Variants in SLC37A2 observed in about 807,000 individuals in gnomAD.
The protein encoded by SLC37A2 is glucose-6-phosphate exchanger SLC37A2.
A neutral mutation model predicts 70.7 loss-of-function variants in SLC37A2; 59 were observed. The ratio of observed to expected loss-of-function variants is 0.83; its 90% CI spans 0.68 to 1.04. SLC37A2 has a LOEUF of 1.04. Ranked by LOEUF, SLC37A2 falls within the 50% of genes least tolerant of loss-of-function variation. SLC37A2 has a pLI of 0.00. For missense variants in SLC37A2, 580 were observed against 658.1 expected, an observed-to-expected ratio of 0.88 and a Z score of 1.30; for synonymous variants, 257 against 262.1, an observed-to-expected ratio of 0.98 and a Z score of 0.19.
intron 1 of SLC37A2, among the ~76,000 whole-genome samples, chr11:125,075,676 G>T (rs759304733): frequency 6.6e-6 from 1 of 152,204 alleles, no homozygotes; most frequent in Admixed American, 6.5e-5. Flanking sequence ...TTCAGCCTTC[G>T]CTGAAATGCC....
At chr11:125,081,372 G>C (rs184329771) in intron 7 of SLC37A2, 49 bp from the exon 8 acceptor site, 259 of 1,564,544 alleles carry the variant, frequency 1.7e-4, no homozygotes, top group African/African-American at 8.5e-4. Flanking sequence ...CCTCGGGATT[G>C]GGGGGGCGGG....
At chr11:125,069,747 G>A (rs77844659) in intron 1 of SLC37A2, among the ~76,000 whole-genome samples, 4,342 of 152,340 alleles carry the variant, frequency 0.029, 210 homozygotes, top group African/African-American at 0.099. Context: ...TGGGAGTCAT[G>A]TGGCGCCAGG....
chr11:125,081,277 C>T, intron 7 of SLC37A2, 144 bp from the exon 8 acceptor site: 1 of 770,870 alleles, frequency 1.3e-6, no homozygotes, highest in East Asian at 2.7e-5. Context: ...CCTGCTGGGA[C>T]ACACACTGGC....
In SLC37A2 at chr11:125,077,324, G is replaced by A. The variant is rs1949098830; in HGVS notation, c.235+1G>A. 1.4e-5 allele frequency: 23 copies of A among 1,600,714 alleles called. No individual in the cohort carries two copies. The highest frequency in any genetic ancestry group is 1.8e-5 in the Non-Finnish European group (21 of 1,173,734). The stretch of plus-strand genomic sequence containing the variant: ...ATGTGGTGCAGCTGGGCCCCATTTG[G>A]TAAGAACAGGGCAAGTTGCTCTTCC... On this transcript the variant is annotated splice_donor_variant, in intron 3 of 17. Coordinates refer to ENST00000403796, the MANE Select transcript of SLC37A2 (RefSeq NM_001145290.2). LOFTEE classifies it high-confidence loss of function.
chr11:125,079,077 G>A (rs775949632), intron 4 of SLC37A2, 35 bp from the exon 5 acceptor site: 1 of 1,613,618 alleles, frequency 6.2e-7, no homozygotes, highest in Admixed American at 1.7e-5. Flanking sequence ...GGACACAGAG[G>A]AGCTTAACCG....
chr11:125,079,622 A>G, intron 5 of SLC37A2, 62 bp from the exon 6 acceptor site: 1 of 1,370,592 alleles, frequency 7.3e-7, no homozygotes. Flanking sequence ...CAGGGTGGTC[A>G]GAGCAGGGAG....
At position 125,080,796 on chromosome 11, in the gene SLC37A2, A is replaced by C. The variant is rs750713700; in HGVS notation, c.694+16A>C. 2 of 1,425,158 alleles carry C rather than the reference A, an allele frequency of 1.4e-6. No homozygotes were observed. Among genetic ancestry groups the C allele is most frequent in the East Asian group, 5.3e-5 (2 of 37,386 alleles). The allele number at this position is 1,425,158 out of a possible 1,614,324, so 88.3% of individuals were successfully genotyped here. On this transcript the variant is annotated intron_variant, in intron 7 of 17. Coordinates refer to ENST00000403796, the MANE Select transcript of SLC37A2 (RefSeq NM_001145290.2). This position sits in a 1 kb window ranked among gnomAD's most constrained non-coding sequence, Gnocchi z 4.3. ...CTCATCGAACGTGAGTGGGCCCCTC[A>C]CTCCCCACAAGTGAGCCTAGAAGTT...
chr11:125,075,609 A>G (rs1322430029), intron 1 of SLC37A2, among the ~76,000 whole-genome samples: 2 of 152,374 alleles, frequency 1.3e-5, no homozygotes, highest in African/African-American at 4.8e-5. Flanking sequence ...TCAAGAAGAC[A>G]GACAGGAAGC....
At chr11:125,074,242 C>T (rs753847832) in intron 1 of SLC37A2, among the ~76,000 whole-genome samples, 8 of 151,886 alleles carry the variant, frequency 5.3e-5, no homozygotes, top group South Asian at 2.1e-4. Context: ...AATCCTTTCC[C>T]GACACTGCTC....
rs1948952926 is a variant in SLC37A2 at position 125,063,626 on chromosome 11, G to T, written c.59+200G>T. Among the ~76,000 whole-genome samples the T allele has an allele frequency of 6.6e-6, 1 of 151,344 alleles. No homozygotes were observed. Among genetic ancestry groups the T allele is most frequent in the Non-Finnish European group, 1.5e-5 (1 of 68,034 alleles). ...ACCCTCCCTGCCCAACTCCGCCCGC[G>T]CTCCCCCAGACCCCGCGACGCTGGC... is the stretch of plus-strand genomic sequence containing the variant. On this transcript the variant is annotated intron_variant, in intron 1 of 17. Transcript: ENST00000403796. The surrounding 1 kb of genome is among the most constrained non-coding windows in gnomAD (Gnocchi z 5.4).
At chr11:125,081,731 CA>C (rs749607570) in intron 8 of SLC37A2, 22 bp from the exon 9 acceptor site, 46 of 1,551,388 alleles carry the variant, frequency 3.0e-5, no homozygotes, top group Non-Finnish European at 3.9e-5. Flanking sequence ...GCACCCACAG[CA>C]GGGCTCATCT....
In SLC37A2 at chr11:125,088,384, T is replaced by C. The variant is rs547613521; in HGVS notation, c.*250T>C. On this transcript the variant is annotated 3_prime_UTR_variant, in exon 18 of 18. Coordinates refer to ENST00000403796, the MANE Select transcript of SLC37A2 (RefSeq NM_001145290.2). ...AAGCTGCAAGCAAAAGGGATGGGAC[T>C]AGGGCTGAGTTGTGTCTCCATTTTG... 5.8e-6 allele frequency: 3 copies of C among 521,396 alleles called. No individual in the cohort carries two copies. In the South Asian group the frequency reaches 8.7e-5, roughly 15 times the overall value. The allele number at this position is 521,396 out of a possible 1,614,324, so 32.3% of individuals were successfully genotyped here.
intron 1 of SLC37A2, among the ~76,000 whole-genome samples, chr11:125,074,139 G>A (rs1486716273): frequency 2.0e-5 from 3 of 151,982 alleles, no homozygotes; most frequent in Non-Finnish European, 2.9e-5. Context: ...CCGTGCCTTC[G>A]TGCACGCTGC....
rs1040776101 is a variant in SLC37A2 at position 125,080,735 on chromosome 11, A to G, written c.649A>G (p.Ile217Val). 1.3e-6 allele frequency: 2 copies of G among 1,550,608 alleles called. No individual in the cohort carries two copies. Among genetic ancestry groups the G allele is most frequent in the Admixed American group, 1.9e-5 (1 of 52,304 alleles). The change falls in exon 7 of 18, where the codon ATT becomes GTT. Residue 217 changes from isoleucine (I) to valine (V), a missense_variant. Coordinates refer to ENST00000403796, the MANE Select transcript of SLC37A2 (RefSeq NM_001145290.2). The surrounding 1 kb of genome is among the most constrained non-coding windows in gnomAD (Gnocchi z 4.3). Reference sequence around the variant, plus strand: ...CCTGTCGTTCATCGTGCCTGGCATCATTACTGCCGTCATGGGCGTCATCAC... The same window carrying G: ...CCTGTCGTTCATCGTGCCTGGCATCGTTACTGCCGTCATGGGCGTCATCAC... ...WGLSFIVPGI[I>V]TAVMGVITFL...
intron 1 of SLC37A2, among the ~76,000 whole-genome samples, chr11:125,072,324 A>T (rs1949037028): frequency 6.6e-6 from 1 of 152,214 alleles, no homozygotes; most frequent in African/African-American, 2.4e-5. Context: ...AGAGATAGCT[A>T]GTCAACCTCC....
At chr11:125,068,546 T>A (rs1949001928) in intron 1 of SLC37A2, among the ~76,000 whole-genome samples, 1 of 152,178 alleles carries the variant, frequency 6.6e-6, no homozygotes, top group Admixed American at 6.5e-5. Context: ...GCTCTACTTA[T>A]TGAGTGCCAA....
At chr11:125,079,072 C>T in intron 4 of SLC37A2, 40 bp from the exon 5 acceptor site, 1 of 1,613,358 alleles carries the variant, frequency 6.2e-7, no homozygotes, top group Non-Finnish European at 8.5e-7. Context: ...GAGGTGGACA[C>T]AGAGGAGCTT....
intron 7 of SLC37A2, among the ~76,000 whole-genome samples, chr11:125,081,123 G>T (rs1949142343): frequency 6.6e-6 from 1 of 152,086 alleles, no homozygotes; most frequent in Admixed American, 6.5e-5. Context: ...CTTGCTGCAG[G>T]TGGTCTTGTG....
Position 125,080,862 on chromosome 11 carries a change from T to C in SLC37A2, c.694+82T>C. On this transcript the variant is annotated intron_variant, in intron 7 of 17. Transcript: ENST00000403796. The surrounding 1 kb of genome is among the most constrained non-coding windows in gnomAD (Gnocchi z 4.3). ...AAGGCAGCTGGATCTACTGGAAAGATTGCTGGTCACAGAGTGGGAGGACCA... is the reference window on the plus strand; with the variant it reads ...AAGGCAGCTGGATCTACTGGAAAGACTGCTGGTCACAGAGTGGGAGGACCA... 1.6e-6 allele frequency: 2 copies of C among 1,262,014 alleles called. No homozygotes were observed. The highest frequency in any genetic ancestry group is 1.0e-6 in the Non-Finnish European group (1 of 974,506). The allele number at this position is 1,262,014 out of a possible 1,614,324, so 78.2% of individuals were successfully genotyped here. A position where few individuals can be genotyped will look rare whatever the true frequency, so the allele number is the denominator to read the frequency against.
Sources: gnomAD v4.1 joint callset for allele counts (sites outside exome capture counted in the v4.1 genomes callset) on GRCh38, gnomAD v4.1.1 for gene constraint, Gnocchi (gnomAD v3.1) non-coding constraint, MANE v1.5 for transcripts, NCBI Gene and HGNC (gene_info 2026-07-23, HGNC 2026-07-21) for gene names.